The following PTGFR variants were observed in gnomAD, a reference collection of about 807,000 sequenced individuals.
PTGFR encodes the protein prostaglandin F receptor, also known as prostaglandin F2-alpha receptor.
Under a neutral mutation model 26.2 loss-of-function variants are expected in PTGFR, and 15 were observed. The observed-to-expected ratio is 0.57, with a 90% CI of 0.38 to 0.88. PTGFR has a LOEUF of 0.88. Among genes scored for constraint, PTGFR ranks in the 40% least tolerant of loss-of-function variants. The pLI, the probability that PTGFR is intolerant of heterozygous loss-of-function variation, is 0.00. For missense variants in PTGFR, 369 were observed against 427.2 expected, an observed-to-expected ratio of 0.86 and a Z score of 1.20; for synonymous variants, 165 against 151.1, an observed-to-expected ratio of 1.09 and a Z score of -0.68.
At chr1:78,512,513 G>T (rs1286177201) in intron 2 of PTGFR, among the ~76,000 whole-genome samples, 1 of 151,968 alleles carries the variant, frequency 6.6e-6, no homozygotes, top group Non-Finnish European at 1.5e-5. Flanking sequence ...CTTTTTAAAA[G>T]AATCAGATCT....
Position 78,493,455 on chromosome 1 carries a change from A to G in PTGFR, c.712A>G (p.Arg238Gly). Residue 238 changes from arginine to glycine, a missense_variant, in exon 2 of 3, where the codon AGA becomes GGA. Arg to Gly is a moderately radical substitution (Grantham distance 125). Coordinates refer to ENST00000370757, the MANE Select transcript of PTGFR (RefSeq NM_000959.4). ...LRVKFKSQQH[R>G]QGRSHHLEMV... ...AGTTAAATTTAAAAGTCAGCAGCAC[A>G]GACAAGGCAGATCTCATCATTTGGA... 1 of 1,611,186 alleles carries G rather than the reference A, an allele frequency of 6.2e-7. No individual in the cohort carries two copies.
chr1:78,514,433 C>G (rs1253384490), intron 2 of PTGFR, among the ~76,000 whole-genome samples: 1 of 152,110 alleles, frequency 6.6e-6, no homozygotes, highest in Non-Finnish European at 1.5e-5. Flanking sequence ...TTTATTTTGG[C>G]CTATTTCTCC....
At chr1:78,507,389 C>T (rs1031629691) in intron 2 of PTGFR, among the ~76,000 whole-genome samples, 7 of 152,132 alleles carry the variant, frequency 4.6e-5, no homozygotes, top group African/African-American at 1.4e-4. Context: ...TTGAGTGAAG[C>T]TTGGTTCCAT....
Position 78,536,886 on chromosome 1 carries a change from A to G in PTGFR, c.*199A>G, listed in dbSNP as rs146140856. 2,229 of 612,280 alleles carry G rather than the reference A, an allele frequency of 3.6e-3. 9 individuals are homozygous for G. Among genetic ancestry groups the G allele is most frequent in the Non-Finnish European group, 4.8e-3 (1,804 of 372,790 alleles). 37.9% of individuals were successfully genotyped at this position (612,280 alleles called of 1,614,324 possible). On this transcript the variant is annotated 3_prime_UTR_variant, in exon 3 of 3. Transcript: ENST00000370757. ...GTACATTTTTCACTTGTTTTTGCCA[A>G]TGGGAGGTAGACACAATAAAATAAT...
intron 2 of PTGFR, among the ~76,000 whole-genome samples, chr1:78,520,626 T>A (rs552364785): frequency 4.6e-5 from 7 of 152,134 alleles, no homozygotes; most frequent in Non-Finnish European, 1.0e-4. Flanking sequence ...CTTAGTTATG[T>A]GAGTGAGTCA....
In PTGFR at chr1:78,521,726, G is replaced by A. The variant is rs184589735; in HGVS notation, c.799-14680G>A. 5.9e-5 allele frequency among the ~76,000 whole-genome samples: 9 copies of A among 152,024 alleles called. No individual in the cohort carries two copies. In the East Asian group the frequency reaches 1.2e-3, roughly 20 times the overall value. ...TAGCATTGTCAATACTATGTTAAAC[G>A]GTAGTAGTAATAGTGGGCACTCTTG... On this transcript the variant is annotated intron_variant, in intron 2 of 2. Transcript: ENST00000370757.
In PTGFR at chr1:78,538,674, C is replaced by T. The variant is rs1217517162; in HGVS notation, c.*1987C>T. On this transcript the variant is annotated 3_prime_UTR_variant, in exon 3 of 3. Coordinates refer to ENST00000370757, the MANE Select transcript of PTGFR (RefSeq NM_000959.4). ...ATTATATGTGTTGCATGTAGCTTGG[C>T]GATTTACTGTGTAATGAATAATAGA... is the stretch of plus-strand genomic sequence containing the variant. 3 of 151,854 alleles carry T rather than the reference C, an allele frequency of 2.0e-5. No individual in the cohort carries two copies. The highest frequency in any genetic ancestry group is 6.6e-5 in the Admixed American group (1 of 15,222). The allele number at this position is 151,854 out of a possible 1,614,324, so 9.4% of individuals were successfully genotyped here. A position where few individuals can be genotyped will look rare whatever the true frequency, so the allele number is the denominator to read the frequency against.
chr1:78,510,582 T>C (rs1380163671), intron 2 of PTGFR, among the ~76,000 whole-genome samples: 1 of 152,136 alleles, frequency 6.6e-6, no homozygotes, highest in Non-Finnish European at 1.5e-5. Flanking sequence ...CATCCAACAC[T>C]GGAGATAACA....
intron 2 of PTGFR, among the ~76,000 whole-genome samples, chr1:78,495,340 T>C (rs1364434375): frequency 6.6e-6 from 1 of 152,228 alleles, no homozygotes; most frequent in East Asian, 1.9e-4. Flanking sequence ...AGGAGGTTAA[T>C]GTATGTAACT....
chr1:78,491,699 C>T (rs1649404819), intron 1 of PTGFR, among the ~76,000 whole-genome samples: 1 of 152,210 alleles, frequency 6.6e-6, no homozygotes, highest in East Asian at 1.9e-4. Flanking sequence ...GAAAGTCGAA[C>T]TGTGAGTAAG....
At chr1:78,528,693 A>T (rs372396812) in intron 2 of PTGFR, among the ~76,000 whole-genome samples, 2 of 152,252 alleles carry the variant, frequency 1.3e-5, no homozygotes, top group South Asian at 4.1e-4. Context: ...TAAAACTCCC[A>T]TCAAATAAAA....
chr1:78,517,414 G>A (rs1458941581), intron 2 of PTGFR, among the ~76,000 whole-genome samples: 1 of 152,036 alleles, frequency 6.6e-6, no homozygotes, highest in African/African-American at 2.4e-5. Context: ...AAATTTACAC[G>A]ATGATTTTAA....
chr1:78,500,343 A>G (rs1206064798), intron 2 of PTGFR, among the ~76,000 whole-genome samples: 1 of 152,218 alleles, frequency 6.6e-6, no homozygotes, highest in African/African-American at 2.4e-5. Context: ...AGACCTTTTT[A>G]GTGGACACTG....
rs1413702538 is a variant in PTGFR, at chr1:78,539,693, C to T, written c.*3006C>T. Reference sequence around the variant, plus strand: ...GTATGCAACTCATGTAATTTTAGTGCTTTGACTAGCTTAAAACTTCAAACA... The same window carrying T: ...GTATGCAACTCATGTAATTTTAGTGTTTTGACTAGCTTAAAACTTCAAACA... On this transcript the variant is annotated 3_prime_UTR_variant, in exon 3 of 3. Transcript: ENST00000370757. 1 of 152,422 alleles carries T rather than the reference C, an allele frequency of 6.6e-6. No individual in the cohort carries two copies. The highest frequency in any genetic ancestry group is 1.5e-5 in the Non-Finnish European group (1 of 67,972). 9.4% of individuals were successfully genotyped at this position (152,422 alleles called of 1,614,324 possible). A position where few individuals can be genotyped will look rare whatever the true frequency, so the allele number is the denominator to read the frequency against.
At chr1:78,509,907 C>T (rs1430422589) in intron 2 of PTGFR, among the ~76,000 whole-genome samples, 1 of 152,188 alleles carries the variant, frequency 6.6e-6, no homozygotes, top group Non-Finnish European at 1.5e-5. Context: ...TAAACACCTC[C>T]CTCAGGTATG....
chr1:78,510,268 T>C (rs1649933378), intron 2 of PTGFR, among the ~76,000 whole-genome samples: 1 of 152,164 alleles, frequency 6.6e-6, no homozygotes, highest in Admixed American at 6.5e-5. Context: ...CTGCGTAGTT[T>C]ATGAAGAAAA....
At chr1:78,494,339 A>G (rs1033874671) in intron 2 of PTGFR, among the ~76,000 whole-genome samples, 1 of 152,206 alleles carries the variant, frequency 6.6e-6, no homozygotes, top group African/African-American at 2.4e-5. Flanking sequence ...AGAAGTGACA[A>G]CATGCCATGA....
intron 2 of PTGFR, among the ~76,000 whole-genome samples, chr1:78,532,750 C>G (rs550060682): frequency 6.6e-6 from 1 of 151,522 alleles, no homozygotes; most frequent in Admixed American, 6.6e-5. Flanking sequence ...TCATTAATAT[C>G]GAGTCACAGA....
intron 2 of PTGFR, among the ~76,000 whole-genome samples, chr1:78,499,593 A>C (rs1245290671): frequency 6.6e-6 from 1 of 152,216 alleles, no homozygotes; most frequent in Non-Finnish European, 1.5e-5. Context: ...GAATACCTGT[A>C]GTACTTTGAA....
Sources: allele counts gnomAD v4.1 joint callset (sites outside exome capture counted in the v4.1 genomes callset), GRCh38; gene constraint gnomAD v4.1.1; transcripts MANE v1.5; gene names NCBI Gene and HGNC (gene_info 2026-07-23, HGNC 2026-07-21).